Variants in RUNX1 observed in about 807,000 individuals in gnomAD.
RUNX1 encodes runt-related transcription factor 1.
In RUNX1, 19 loss-of-function variants were observed where a neutral mutation model predicts 42.8. The observed-to-expected ratio is 0.44, with a 90% confidence interval of 0.31 to 0.65. The LOEUF (loss-of-function observed/expected upper bound fraction) is 0.65. RUNX1 is among the 30% of genes least tolerant of loss of function. The pLI, the probability that RUNX1 is intolerant of heterozygous loss-of-function variation, is 0.07. For synonymous variants in RUNX1, 271 were observed against 289.4 expected (o/e 0.94, Z 0.64); for missense variants, 528 against 672.0 (o/e 0.79, Z 2.37).
chr21:34,885,267 T>C (rs2057964492), intron 4 of RUNX1, among the ~76,000 whole-genome samples: 3 of 152,324 alleles, frequency 2.0e-5, no homozygotes, highest in East Asian at 1.9e-4. Context: ...CTCTGCTCTT[T>C]ATCTGATAGT....
chr21:34,846,299 A>G (rs1299059415), intron 6 of RUNX1, among the ~76,000 whole-genome samples: 2 of 140,544 alleles, frequency 1.4e-5, no homozygotes, highest in Non-Finnish European at 3.0e-5. Context: ...ACCTTCATTC[A>G]TCTCTTTCCC....
chr21:34,912,527 G>T lies in RUNX1; in HGVS notation c.59-19564C>A, dbSNP rs371882803. Among the ~76,000 whole-genome samples the T allele has an allele frequency of 3.5e-4, 54 of 152,226 alleles. No homozygotes were observed. The Middle Eastern group carries it at 0.017, about 48-fold the overall frequency. On this transcript the variant is annotated intron_variant, in intron 2 of 8. Coordinates refer to ENST00000675419, the MANE Select transcript of RUNX1 (RefSeq NM_001754.5). ...GATGTTTTGGTTATGCAAATATATG[G>T]TTTTTCTCATTCCGATGGAAAACAT...
intron 2 of RUNX1, among the ~76,000 whole-genome samples, chr21:34,916,960 C>A (rs371590492): frequency 6.6e-6 from 1 of 152,118 alleles, no homozygotes; most frequent in East Asian, 1.9e-4. Context: ...CAGTAATACC[C>A]AAGAACACCC....
chr21:34,915,654 G>A (rs1400769063), intron 2 of RUNX1, among the ~76,000 whole-genome samples: 2 of 152,166 alleles, frequency 1.3e-5, no homozygotes, highest in African/African-American at 4.8e-5. Context: ...TAACATATTT[G>A]TTGTTTCTTG....
chr21:35,048,816 A>G (rs748102055), intron 2 of RUNX1, 26 bp downstream of exon 2: 9 of 1,596,366 alleles, frequency 5.6e-6, no homozygotes, highest in Admixed American at 1.7e-5. Context: ...GCAAAAGTAG[A>G]TATTACAAGA....
intron 2 of RUNX1, among the ~76,000 whole-genome samples, chr21:35,028,771 C>T (rs978387197): frequency 1.2e-4 from 19 of 152,146 alleles, no homozygotes; most frequent in African/African-American, 3.6e-4. Context: ...GTAAATTTAC[C>T]GATGGCTTAT....
At chr21:34,920,545 C>T (rs1405804252) in intron 2 of RUNX1, among the ~76,000 whole-genome samples, 1 of 152,206 alleles carries the variant, frequency 6.6e-6, no homozygotes, top group Non-Finnish European at 1.5e-5. Flanking sequence ...TACCTGGGAA[C>T]ACCTGGAAAG....
At chr21:34,870,140 C>T (rs1203290833) in intron 5 of RUNX1, among the ~76,000 whole-genome samples, 1 of 152,194 alleles carries the variant, frequency 6.6e-6, no homozygotes, top group Non-Finnish European at 1.5e-5. Flanking sequence ...GATTGTGTTT[C>T]CTCCTTGGAA....
chr21:34,790,012 ATT>A lies in RUNX1; in HGVS notation c.*2121_*2122del, dbSNP rs1601328417. On this transcript the variant is annotated 3_prime_UTR_variant, in exon 9 of 9. Transcript: ENST00000675419. ...AAATTAAATTTTTACATTTGCTGAC[ATT>A]TTATGGTAATTTAGCTGCAAAAATG... 4.3e-6 allele frequency: 1 copy of A among 233,116 alleles called. No homozygotes were observed. The highest frequency in any genetic ancestry group is 8.5e-6 in the Non-Finnish European group (1 of 117,994). 14.4% of individuals were successfully genotyped at this position (233,116 alleles called of 1,614,324 possible).
intron 2 of RUNX1, among the ~76,000 whole-genome samples, chr21:35,035,731 G>C (rs569111893): frequency 2.0e-5 from 3 of 152,276 alleles, no homozygotes; most frequent in Middle Eastern, 6.8e-3. Flanking sequence ...AGCACTAAGG[G>C]TTCCTCCCTC....
At chr21:34,949,127 C>T (rs868550120) in intron 2 of RUNX1, among the ~76,000 whole-genome samples, 2 of 152,176 alleles carry the variant, frequency 1.3e-5, no homozygotes, top group Non-Finnish European at 2.9e-5. Context: ...AACAGCTACA[C>T]TGCCTGGAGA....
intron 6 of RUNX1, among the ~76,000 whole-genome samples, chr21:34,846,889 C>G (rs111532392): frequency 1.7e-4 from 26 of 152,346 alleles, no homozygotes; most frequent in African/African-American, 5.8e-4. Flanking sequence ...GAGCTGGCCT[C>G]TGGAGCCTTG....
intron 2 of RUNX1, among the ~76,000 whole-genome samples, chr21:34,896,951 G>A (rs920802682): frequency 2.0e-5 from 3 of 152,186 alleles, no homozygotes; most frequent in Non-Finnish European, 2.9e-5. Context: ...TGAGGTAGCA[G>A]GAGGAGAGAA....
intron 2 of RUNX1, among the ~76,000 whole-genome samples, chr21:34,961,628 TAGC>T (rs1278859782): frequency 6.6e-6 from 1 of 152,120 alleles, no homozygotes; most frequent in Non-Finnish European, 1.5e-5. Flanking sequence ...AGGCAAGCAG[TAGC>T]AGCTCGTATA....
At chr21:34,935,091 G>C (rs2058475430) in intron 2 of RUNX1, among the ~76,000 whole-genome samples, 1 of 152,074 alleles carries the variant, frequency 6.6e-6, no homozygotes. Flanking sequence ...GTTTTGAAGA[G>C]TGAAATTAAT....
At chr21:34,975,207 T>C (rs1034488894) in intron 2 of RUNX1, among the ~76,000 whole-genome samples, 12 of 152,236 alleles carry the variant, frequency 7.9e-5, no homozygotes, top group African/African-American at 2.9e-4. Flanking sequence ...TAGACCTCAA[T>C]ACCTACAAAT....
chr21:34,889,365 T>A lies in RUNX1; in HGVS notation c.98-2269A>T, dbSNP rs556641368. Among the ~76,000 whole-genome samples, 400 of 152,080 alleles carry A rather than the reference T, an allele frequency of 2.6e-3. 4 individuals carry two copies. Among genetic ancestry groups the A allele is most frequent in the African/African-American group, 9.0e-3 (374 of 41,504 alleles). Reference sequence around the variant, plus strand: ...GCCGTTTGCTCTCAGCGTCTTCCCTTGGGTCGGTTTCTGTAATGGGTGTTT... The same window carrying A: ...GCCGTTTGCTCTCAGCGTCTTCCCTAGGGTCGGTTTCTGTAATGGGTGTTT... On this transcript the variant is annotated intron_variant, in intron 3 of 8. Transcript: ENST00000675419.
At chr21:35,043,568 T>G (rs959508526) in intron 2 of RUNX1, among the ~76,000 whole-genome samples, 2 of 152,226 alleles carry the variant, frequency 1.3e-5, no homozygotes, top group Non-Finnish European at 2.9e-5. Context: ...TAAGAAGATT[T>G]GTGATGTGTT....
chr21:35,047,160 G>C (rs926914400), intron 2 of RUNX1, among the ~76,000 whole-genome samples: 1 of 152,134 alleles, frequency 6.6e-6, no homozygotes, highest in Non-Finnish European at 1.5e-5. Flanking sequence ...TTCCTGAGTT[G>C]ATAAAATAGG....
Sources: gnomAD v4.1 joint callset for allele counts (sites outside exome capture counted in the v4.1 genomes callset) on GRCh38, gnomAD v4.1.1 for gene constraint, MANE v1.5 for transcripts, NCBI Gene and HGNC (gene_info 2026-07-23, HGNC 2026-07-21) for gene names.